Variants in STAMBP observed in about 807,000 individuals in gnomAD.
STAMBP encodes the protein STAM-binding protein.
Under a neutral mutation model 50.7 loss-of-function variants are expected in STAMBP, and 31 were observed. The ratio of observed to expected loss-of-function variants is 0.61; its 90% CI spans 0.46 to 0.83. The LOEUF (loss-of-function observed/expected upper bound fraction) is 0.83, where lower values mean the gene tolerates loss of function less well. Ranked by LOEUF, STAMBP falls within the 40% of genes least tolerant of loss-of-function variation. STAMBP has a pLI of 0.00. For synonymous variants in STAMBP, 211 were observed against 192.4 expected, an observed-to-expected ratio of 1.10 and a Z score of -0.80; for missense variants, 472 against 518.9, an observed-to-expected ratio of 0.91 and a Z score of 0.88.
chr2:73,862,007 C>T (rs1678387553), intron 9 of STAMBP, among the ~76,000 whole-genome samples, 196 bp from the exon 10 acceptor site: 1 of 152,024 alleles, frequency 6.6e-6, no homozygotes, highest in Admixed American at 6.5e-5. Flanking sequence ...CATGGTGGCT[C>T]GTGCCTGTAA....
intron 7 of STAMBP, among the ~76,000 whole-genome samples, chr2:73,852,736 G>C (rs1181191422): frequency 2.0e-5 from 3 of 152,096 alleles, no homozygotes; most frequent in Non-Finnish European, 4.4e-5. Context: ...TTGGGGTGCA[G>C]TGGCGCAATC....
rs144683663 is a variant in STAMBP, at chr2:73,833,277, T to C, written c.203+2218T>C. Reference sequence around the variant, plus strand: ...TGTTAAGTTACAGTTTGTTTATACATTAAATTAGGTTACAGTTCACTATCT... The same window carrying C: ...TGTTAAGTTACAGTTTGTTTATACACTAAATTAGGTTACAGTTCACTATCT... On this transcript the variant is annotated intron_variant, in intron 2 of 9. Transcript: ENST00000394070. 2.1e-3 allele frequency among the ~76,000 whole-genome samples: 318 copies of C among 152,332 alleles called. 1 individual carries two copies. Among genetic ancestry groups the C allele is most frequent in the Non-Finnish European group, 3.5e-3 (238 of 68,032 alleles).
chr2:73,872,520 C>T (rs186217159), intron 10 of STAMBP, among the ~76,000 whole-genome samples: 10 of 150,526 alleles, frequency 6.6e-5, no homozygotes, highest in East Asian at 2.1e-4. Flanking sequence ...GTAGATGTTA[C>T]GCTCTCTGTC....
chr2:73,859,680 TATAAAAAAATAAAAAATAAAAA>T (rs1678048427), intron 8 of STAMBP, among the ~76,000 whole-genome samples: 1 of 143,284 alleles, frequency 7.0e-6, no homozygotes, highest in Admixed American at 6.9e-5. Context: ...AATCATAAAA[TATAAAAAAATAAAAAATAAAAA>T]ATAAAAAAAT....
At chr2:73,847,844 C>G in intron 5 of STAMBP, 91 bp downstream of exon 5, 1 of 1,478,594 alleles carries the variant, frequency 6.8e-7, no homozygotes, top group Admixed American at 2.0e-5. Context: ...CTCCCTGATC[C>G]CACTCATTAA....
intron 2 of STAMBP, among the ~76,000 whole-genome samples, chr2:73,832,084 C>CATATATATATAT (rs67469518): frequency 5.9e-5 from 7 of 118,520 alleles, no homozygotes; most frequent in African/African-American, 2.2e-4. Context: ...GAGTAGGTAA[C>CATATATATATAT]ATATATATAT....
At chr2:73,840,244 A>G (rs898835440) in intron 2 of STAMBP, among the ~76,000 whole-genome samples, 1 of 151,944 alleles carries the variant, frequency 6.6e-6, no homozygotes, top group Non-Finnish European at 1.5e-5. Context: ...GTGAATGATT[A>G]CATTGTCTTC....
chr2:73,847,310 T>G (rs1676238037), intron 4 of STAMBP, 77 bp from the exon 5 acceptor site: 1 of 1,510,902 alleles, frequency 6.6e-7, no homozygotes, highest in Non-Finnish European at 8.9e-7. Context: ...GAAATCTCCA[T>G]GCTAAAAAGC....
chr2:73,847,813 ACG>A, intron 5 of STAMBP, 60 bp downstream of exon 5: 1 of 1,550,744 alleles, frequency 6.4e-7, no homozygotes, highest in Non-Finnish European at 8.7e-7. Flanking sequence ...TATCATTCTG[ACG>A]GGGTCAACCT....
intron 7 of STAMBP, among the ~76,000 whole-genome samples, chr2:73,857,429 CCT>C: frequency 6.6e-6 from 1 of 152,310 alleles, no homozygotes; most frequent in African/African-American, 2.4e-5. Context: ...CCCCCTTCCC[CCT>C]GAGTGCTCAA....
chr2:73,834,236 AATATATATATATATATATATATAT>A lies in STAMBP; in HGVS notation c.203+3205_203+3228del, dbSNP rs148699255. 4.3e-3 allele frequency among the ~76,000 whole-genome samples: 155 copies of A among 36,410 alleles called. 10 individuals are homozygous for A. The highest frequency in any genetic ancestry group is 0.012 in the African/African-American group (74 of 6,096). The allele number at this position is 36,410 out of a possible 152,430, so 23.9% of individuals were successfully genotyped here. On this transcript the variant is annotated intron_variant, in intron 2 of 9. Coordinates refer to ENST00000394070, the MANE Select transcript of STAMBP (RefSeq NM_213622.4). ...AAAAAAAAAAAAAAAAAAAAAAAAA[AATATATATATATATATATATATAT>A]ATATATATATATATATATATATATA...
chr2:73,840,913 A>G lies in STAMBP; in HGVS notation c.204-3900A>G, dbSNP rs79272002. On this transcript the variant is annotated intron_variant, in intron 2 of 9. Transcript: ENST00000394070. The stretch of plus-strand genomic sequence containing the variant: ...CACTGTATGGGTATCCCATTTCTCT[A>G]TACCAGGTATGATCAACCTTTAAGT... 3.6e-3 allele frequency among the ~76,000 whole-genome samples: 551 copies of G among 152,188 alleles called. 2 individuals carry two copies. The highest frequency in any genetic ancestry group is 0.01 in the Middle Eastern group (3 of 294).
chr2:73,855,015 A>G (rs778998080), intron 7 of STAMBP, among the ~76,000 whole-genome samples: 24 of 152,200 alleles, frequency 1.6e-4, no homozygotes, highest in Admixed American at 2.6e-4. Flanking sequence ...AACGAAAAGC[A>G]GACCGAAAGA....
At chr2:73,857,314 C>T (rs1054811316) in intron 7 of STAMBP, among the ~76,000 whole-genome samples, 1 of 152,102 alleles carries the variant, frequency 6.6e-6, no homozygotes, top group Admixed American at 6.5e-5. Context: ...CATCAGGTAC[C>T]CTAGATCTTC....
chr2:73,853,402 A>G (rs966456576), intron 7 of STAMBP, among the ~76,000 whole-genome samples: 2 of 152,172 alleles, frequency 1.3e-5, no homozygotes, highest in African/African-American at 4.8e-5. Flanking sequence ...AATATAACAC[A>G]TGTAATAAGA....
intron 2 of STAMBP, among the ~76,000 whole-genome samples, chr2:73,839,925 A>G (rs1026065293): frequency 1.3e-5 from 2 of 152,240 alleles, no homozygotes; most frequent in Non-Finnish European, 2.9e-5. Context: ...TGCCTGGAAC[A>G]TGAATCTGGA....
chr2:73,869,393 A>G (rs1679105009), downstream of STAMBP, among the ~76,000 whole-genome samples: 2 of 152,210 alleles, frequency 1.3e-5, no homozygotes, highest in South Asian at 4.1e-4. Flanking sequence ...ATGGAAAGAC[A>G]GGCACACTAT....
At chr2:73,854,571 G>A (rs956147877) in intron 7 of STAMBP, among the ~76,000 whole-genome samples, 1 of 152,112 alleles carries the variant, frequency 6.6e-6, no homozygotes, top group Non-Finnish European at 1.5e-5. Context: ...GAGCTCCTGG[G>A]CCCAAGTGAT....
intron 5 of STAMBP, among the ~76,000 whole-genome samples, chr2:73,848,819 G>A (rs1426229993): frequency 6.6e-6 from 1 of 152,136 alleles, no homozygotes; most frequent in Non-Finnish European, 1.5e-5. Context: ...TTAATTCTTT[G>A]TATTAGATTC....
Sources: gnomAD v4.1 joint callset for allele counts (sites outside exome capture counted in the v4.1 genomes callset) on GRCh38, gnomAD v4.1.1 for gene constraint, MANE v1.5 for transcripts, NCBI Gene and HGNC (gene_info 2026-07-23, HGNC 2026-07-21) for gene names.